Variants in KLHL20 observed in about 807,000 individuals in gnomAD.
The protein encoded by KLHL20 is kelch-like protein 20.
A neutral mutation model predicts 69.5 loss-of-function variants in KLHL20; 29 were observed. The observed-to-expected ratio is 0.42, with a 90% CI of 0.31 to 0.57. The LOEUF (loss-of-function observed/expected upper bound fraction) is 0.57. KLHL20 is among the 20% of genes least tolerant of loss of function. The pLI, the probability that KLHL20 is intolerant of heterozygous loss-of-function variation, is 0.18. For missense variants in KLHL20, 419 were observed against 776.0 expected, an observed-to-expected ratio of 0.54 and a Z score of 5.47; for synonymous variants, 253 against 265.2, an observed-to-expected ratio of 0.95 and a Z score of 0.45.
chr1:173,743,563 G>A (rs536585830), intron 3 of KLHL20, among the ~76,000 whole-genome samples: 2 of 150,228 alleles, frequency 1.3e-5, no homozygotes, highest in East Asian at 3.9e-4. Context: ...TCCATTTTCT[G>A]TCTACATTCT....
chr1:173,734,476 G>A (rs755467358), intron 3 of KLHL20, 190 bp downstream of exon 3: 46 of 606,916 alleles, frequency 7.6e-5, no homozygotes, highest in Non-Finnish European at 1.2e-4. Context: ...AGCAAGTTAA[G>A]ATTTAGGGAT....
chr1:173,727,653 C>T (rs1672042406), intron 2 of KLHL20, among the ~76,000 whole-genome samples: 1 of 152,076 alleles, frequency 6.6e-6, no homozygotes, highest in Non-Finnish European at 1.5e-5. Flanking sequence ...CCAAACTAAG[C>T]TTCATAAGTG....
At chr1:173,782,052 C>A in intron 10 of KLHL20, 72 bp from the exon 11 acceptor site, 1 of 1,036,004 alleles carries the variant, frequency 9.7e-7, no homozygotes, top group Non-Finnish European at 1.5e-6. Flanking sequence ...ATAGATTTAT[C>A]TAGAAACCAG....
chr1:173,720,581 G>A (rs1008909378), intron 2 of KLHL20, among the ~76,000 whole-genome samples: 4 of 152,162 alleles, frequency 2.6e-5, no homozygotes, highest in South Asian at 2.1e-4. Flanking sequence ...TGGAAAGAGG[G>A]AAGAAATTAT....
chr1:173,739,490 C>T (rs1478029795), intron 3 of KLHL20, among the ~76,000 whole-genome samples: 2 of 151,852 alleles, frequency 1.3e-5, no homozygotes, highest in African/African-American at 4.8e-5. Flanking sequence ...TTGGTCTGTT[C>T]AGAGTTTCTG....
At chr1:173,721,253 C>G (rs540368960) in intron 2 of KLHL20, among the ~76,000 whole-genome samples, 4 of 152,188 alleles carry the variant, frequency 2.6e-5, no homozygotes, top group African/African-American at 9.6e-5. Context: ...TTTCAGAAGA[C>G]AAAATTTCCA....
chr1:173,775,709 G>A lies in KLHL20; in HGVS notation c.1505G>A (p.Cys502Tyr). Residue 502 changes from cysteine (C) to tyrosine (Y), a missense_variant, in exon 10 of 12, where the codon TGT becomes TAT. This residue lies in a region of KLHL20 where 79 missense variants were observed against 154.4 expected (regional missense o/e 0.51). Transcript: ENST00000209884. Reference sequence around the variant, plus strand: ...GGGACCCGGAGGAAACACCTAGGCTGTGCAGTATATCAGGACATGATCTAT... The same window carrying A: ...GGGACCCGGAGGAAACACCTAGGCTATGCAGTATATCAGGACATGATCTAT... Reference protein sequence around the residue: ...PMGTRRKHLGCAVYQDMIYAV... With the variant: ...PMGTRRKHLGYAVYQDMIYAV... 6.2e-7 allele frequency: 1 copy of A among 1,614,188 alleles called. No individual in the cohort carries two copies. The highest frequency in any genetic ancestry group is 2.2e-5 in the East Asian group (1 of 44,890).
At chr1:173,742,009 AGAC>A in intron 3 of KLHL20, 1 of 537,270 alleles carries the variant, frequency 1.9e-6, no homozygotes, top group South Asian at 2.9e-5. Flanking sequence ...CTTGTATCAT[AGAC>A]GACATTAATC....
chr1:173,716,198 C>A (rs1205859306), intron 2 of KLHL20, 132 bp downstream of exon 2: 4 of 746,104 alleles, frequency 5.4e-6, no homozygotes, highest in South Asian at 2.0e-5. Flanking sequence ...TACAATAAAT[C>A]AAAAGTAATA....
intron 3 of KLHL20, among the ~76,000 whole-genome samples, chr1:173,739,210 C>T (rs539637296): frequency 1.3e-5 from 2 of 152,164 alleles, no homozygotes; most frequent in South Asian, 4.2e-4. Context: ...GTATCTGGAA[C>T]TACAGGCACC....
Position 173,750,220 on chromosome 1 carries a change from T to C in KLHL20, c.598-1544T>C, listed in dbSNP as rs186483301. Among the ~76,000 whole-genome samples, 6 of 152,368 alleles carry C rather than the reference T, an allele frequency of 3.9e-5. No homozygotes were observed. In the East Asian group the frequency reaches 1.2e-3, roughly 29 times the overall value. On this transcript the variant is annotated intron_variant, in intron 3 of 11. Transcript: ENST00000209884. ...ATAAAAATTGAAGCATTCATTATTA[T>C]TTCTGCTATAAATATAACTGGCCTT...
At chr1:173,730,208 T>G (rs200969413) in intron 2 of KLHL20, among the ~76,000 whole-genome samples, 17 of 151,840 alleles carry the variant, frequency 1.1e-4, no homozygotes, top group Non-Finnish European at 1.6e-4. Flanking sequence ...CACTGCTCAA[T>G]GAAATAAAAG....
intron 2 of KLHL20, among the ~76,000 whole-genome samples, chr1:173,732,072 C>G (rs1672307513): frequency 6.6e-6 from 1 of 152,034 alleles, no homozygotes. Context: ...TGGCACATGC[C>G]TGTAGTCCCA....
intron 8 of KLHL20, among the ~76,000 whole-genome samples, chr1:173,771,375 GC>G (rs1314553504): frequency 8.5e-5 from 13 of 152,128 alleles, no homozygotes; most frequent in African/African-American, 2.4e-4. Context: ...CTGCACTTTA[GC>G]CTGAGTGACA....
At chr1:173,735,990 G>A (rs530374947) in intron 3 of KLHL20, among the ~76,000 whole-genome samples, 3 of 127,130 alleles carry the variant, frequency 2.4e-5, no homozygotes, top group East Asian at 2.4e-4. Flanking sequence ...TGTTGCCCAC[G>A]CTGGAGTGCA....
intron 7 of KLHL20, among the ~76,000 whole-genome samples, chr1:173,765,152 C>T (rs888203864): frequency 8.2e-5 from 12 of 146,922 alleles, no homozygotes; most frequent in Middle Eastern, 3.3e-3. Context: ...CAAAAATCAA[C>T]GAAATTTAAA....
intron 3 of KLHL20, among the ~76,000 whole-genome samples, chr1:173,742,453 G>A (rs1672846906): frequency 6.6e-6 from 1 of 151,974 alleles, no homozygotes; most frequent in African/African-American, 2.4e-5. Context: ...TCTGAGAAAG[G>A]GAGAGAGAAG....
intron 7 of KLHL20, among the ~76,000 whole-genome samples, chr1:173,757,765 T>C (rs2102507597): frequency 6.6e-6 from 1 of 152,310 alleles, no homozygotes; most frequent in East Asian, 1.9e-4. Context: ...ATGAGTTAGT[T>C]ACTAGTTACT....
intron 5 of KLHL20, 86 bp downstream of exon 5, chr1:173,753,393 T>C (rs1179771942): frequency 2.0e-6 from 2 of 1,008,644 alleles, no homozygotes; most frequent in Non-Finnish European, 3.1e-6. Context: ...TTCCTAAATA[T>C]TGTATTTTGC....
Sources: allele counts gnomAD v4.1 joint callset (sites outside exome capture counted in the v4.1 genomes callset), GRCh38; gene constraint gnomAD v4.1.1; regional missense constraint gnomAD v4.1.1; transcripts MANE v1.5; gene names NCBI Gene and HGNC (gene_info 2026-07-23, HGNC 2026-07-21).